Variants in TMEM108 observed in about 807,000 individuals in gnomAD.
TMEM108 encodes the protein transmembrane protein 108, also known as cancer/testis antigen 124.
TMEM108 carries 12 observed loss-of-function variants against 35.1 expected under a neutral mutation model. The observed-to-expected ratio is 0.34, with a 90% confidence interval of 0.22 to 0.55. TMEM108 has a LOEUF of 0.55. Among genes scored for constraint, TMEM108 ranks in the 20% least tolerant of loss-of-function variants. The pLI, the probability that TMEM108 is intolerant of heterozygous loss-of-function variation, is 0.89. For synonymous variants in TMEM108, 287 were observed against 308.6 expected (o/e 0.93, Z 0.73); for missense variants, 680 against 753.3 (o/e 0.90, Z 1.14).
intron 3 of TMEM108, among the ~76,000 whole-genome samples, chr3:133,369,879 T>C (rs1280044741): frequency 6.6e-6 from 1 of 152,226 alleles, no homozygotes; most frequent in Non-Finnish European, 1.5e-5. Context: ...CCTTCAGTTA[T>C]GTCCCCTTCT....
intron 2 of TMEM108, among the ~76,000 whole-genome samples, chr3:133,155,508 C>T (rs1249562062): frequency 6.6e-6 from 1 of 152,108 alleles, no homozygotes; most frequent in East Asian, 1.9e-4. Flanking sequence ...GGCAGCCTCA[C>T]CAGCATCTGT....
intron 3 of TMEM108, among the ~76,000 whole-genome samples, chr3:133,347,098 A>G (rs931506638): frequency 1.1e-4 from 16 of 152,066 alleles, no homozygotes; most frequent in African/African-American, 2.9e-4. Flanking sequence ...GTTCTCCTTC[A>G]GTATTGCATT....
intron 2 of TMEM108, among the ~76,000 whole-genome samples, chr3:133,134,130 T>G (rs1944531243): frequency 6.6e-6 from 1 of 151,802 alleles, no homozygotes; most frequent in South Asian, 2.1e-4. Context: ...TATATATATG[T>G]ATAAAATCTC....
intron 2 of TMEM108, among the ~76,000 whole-genome samples, chr3:133,065,110 G>A (rs1943579726): frequency 6.6e-6 from 1 of 152,196 alleles, no homozygotes. Context: ...AGGCATAGAT[G>A]CTAAAGTCAC....
chr3:133,106,780 C>G (rs1450044), intron 2 of TMEM108, among the ~76,000 whole-genome samples: 1 of 151,978 alleles, frequency 6.6e-6, no homozygotes, highest in Admixed American at 6.6e-5. Context: ...ATATTCCAGT[C>G]TCAGTCAAGT....
intron 3 of TMEM108, among the ~76,000 whole-genome samples, chr3:133,309,688 T>C (rs1342583098): frequency 5.4e-5 from 3 of 55,500 alleles, no homozygotes; most frequent in African/African-American, 2.0e-4. Context: ...GTTTCTTTTT[T>C]TTTTTTTTTT....
At chr3:133,255,142 T>C (rs1426839280) in intron 3 of TMEM108, among the ~76,000 whole-genome samples, 1 of 152,206 alleles carries the variant, frequency 6.6e-6, no homozygotes, top group East Asian at 1.9e-4. Flanking sequence ...GGAGATTACA[T>C]GGCCTAGCCA....
intron 2 of TMEM108, among the ~76,000 whole-genome samples, chr3:133,082,444 C>T (rs186031326): frequency 1.9e-4 from 29 of 152,180 alleles, no homozygotes; most frequent in Non-Finnish European, 3.5e-4. Context: ...TGCTTCTTTG[C>T]TTAGCCAACA....
At chr3:133,206,443 A>G (rs1945755589) in intron 2 of TMEM108, among the ~76,000 whole-genome samples, 1 of 152,034 alleles carries the variant, frequency 6.6e-6, no homozygotes, top group Admixed American at 6.5e-5. Flanking sequence ...GGATTTATCT[A>G]CCTTTGGTCT....
At chr3:133,047,440 A>AT (rs1389130521) in intron 2 of TMEM108, among the ~76,000 whole-genome samples, 14 of 152,308 alleles carry the variant, frequency 9.2e-5, no homozygotes, top group African/African-American at 3.1e-4. Context: ...TTCTTTAATT[A>AT]TTGATTTGGG....
intron 2 of TMEM108, among the ~76,000 whole-genome samples, chr3:133,194,870 T>C (rs1945554357): frequency 6.6e-6 from 1 of 152,234 alleles, no homozygotes; most frequent in Non-Finnish European, 1.5e-5. Flanking sequence ...ATAGTTACCA[T>C]GTATACTGAC....
chr3:133,391,695 C>T (rs1285682034), intron 5 of TMEM108, among the ~76,000 whole-genome samples: 2 of 152,210 alleles, frequency 1.3e-5, no homozygotes, highest in Non-Finnish European at 2.9e-5. Context: ...TCTCCTACAA[C>T]ATCTTCAGGC....
chr3:133,052,469 C>CTTTTATTTTAATTTAATTTAA (rs1553727470), intron 2 of TMEM108, among the ~76,000 whole-genome samples: 9 of 147,412 alleles, frequency 6.1e-5, no homozygotes, highest in Non-Finnish European at 1.0e-4. Flanking sequence ...ATCTGTATTC[C>CTTTTATTTTAATTTAATTTAA]TTTTATTTTA....
intron 2 of TMEM108, among the ~76,000 whole-genome samples, chr3:133,071,681 A>C (rs1943677770): frequency 6.6e-6 from 1 of 152,154 alleles, no homozygotes; most frequent in Non-Finnish European, 1.5e-5. Flanking sequence ...TTTTTAAAAA[A>C]TTGTGTTGAC....
intron 2 of TMEM108, among the ~76,000 whole-genome samples, chr3:133,092,123 A>G (rs6802205): frequency 0.47 from 71,115 of 152,028 alleles, 18,050 homozygotes; most frequent in Non-Finnish European, 0.57. Flanking sequence ...TCTGATACCT[A>G]TTGAAATGGT....
chr3:133,145,566 T>C (rs1447832034), intron 2 of TMEM108, among the ~76,000 whole-genome samples: 3 of 152,156 alleles, frequency 2.0e-5, no homozygotes, highest in Admixed American at 6.5e-5. Flanking sequence ...AGCGTGGCCA[T>C]TTTCACGATA....
intron 3 of TMEM108, among the ~76,000 whole-genome samples, chr3:133,377,349 T>C (rs1052371205): frequency 1.3e-5 from 2 of 152,126 alleles, no homozygotes; most frequent in African/African-American, 4.8e-5. Flanking sequence ...GTCTCTCTGG[T>C]GTTAAGCTGT....
At chr3:133,349,335 G>A (rs1174748557) in intron 3 of TMEM108, among the ~76,000 whole-genome samples, 2 of 152,082 alleles carry the variant, frequency 1.3e-5, no homozygotes, top group African/African-American at 4.8e-5. Context: ...TCATTAAATA[G>A]TAAAGGGATT....
At chr3:133,316,229 A>C (rs1372701476) in intron 3 of TMEM108, among the ~76,000 whole-genome samples, 1 of 152,218 alleles carries the variant, frequency 6.6e-6, no homozygotes, top group African/African-American at 2.4e-5. Flanking sequence ...TTCTTGCAAA[A>C]AATCATTAGG....
Sources: allele counts gnomAD v4.1 joint callset (sites outside exome capture counted in the v4.1 genomes callset), GRCh38; gene constraint gnomAD v4.1.1; transcripts MANE v1.5; gene names NCBI Gene and HGNC (gene_info 2026-07-23, HGNC 2026-07-21).